DOK6: variants seen among roughly 807,000 people sequenced by gnomAD.
The protein encoded by DOK6 is docking protein 6, also known as downstream of tyrosine kinase 6.
Under a neutral mutation model 44.0 loss-of-function variants are expected in DOK6, and 22 were observed. The observed-to-expected ratio is 0.50, with a 90% CI of 0.36 to 0.71. The LOEUF is 0.71. DOK6 is among the 30% of genes least tolerant of loss of function. The probability of loss-of-function intolerance (pLI) is 0.00; values close to 1 mark genes in which losing one functional copy is unlikely to be tolerated. For synonymous variants in DOK6, 166 were observed against 145.5 expected, an observed-to-expected ratio of 1.14 and a Z score of -1.01; for missense variants, 340 against 416.4, an observed-to-expected ratio of 0.82 and a Z score of 1.60.
At chr18:69,674,461 C>T (rs12953671) in intron 3 of DOK6, among the ~76,000 whole-genome samples, 66,182 of 151,868 alleles carry the variant, frequency 0.44, 15,004 homozygotes, top group East Asian at 0.74. Flanking sequence ...CTCTTGCTAC[C>T]CTGCAAATGT....
intron 1 of DOK6, among the ~76,000 whole-genome samples, chr18:69,472,923 TC>T (rs1167173843): frequency 3.9e-5 from 6 of 152,210 alleles, no homozygotes; most frequent in African/African-American, 9.7e-5. Context: ...TTCGTTCTTA[TC>T]CATGTTGAAA....
intron 3 of DOK6, among the ~76,000 whole-genome samples, chr18:69,611,259 G>T (rs1403208838): frequency 6.6e-6 from 1 of 152,098 alleles, no homozygotes; most frequent in Non-Finnish European, 1.5e-5. Flanking sequence ...GGTGCATAGT[G>T]ACACACCTGT....
At chr18:69,447,195 A>T (rs1033348296) in intron 1 of DOK6, among the ~76,000 whole-genome samples, 1 of 152,138 alleles carries the variant, frequency 6.6e-6, no homozygotes, top group African/African-American at 2.4e-5. Context: ...TAGGTCTAAC[A>T]TTTAAGTCTT....
intron 3 of DOK6, among the ~76,000 whole-genome samples, chr18:69,602,239 A>T (rs184382962): frequency 2.0e-5 from 3 of 152,288 alleles, no homozygotes; most frequent in Admixed American, 2.0e-4. Context: ...CAAGGTGAAG[A>T]TCAACAATGA....
At chr18:69,744,622 A>G (rs1978918461) in intron 6 of DOK6, among the ~76,000 whole-genome samples, 1 of 152,096 alleles carries the variant, frequency 6.6e-6, no homozygotes, top group East Asian at 1.9e-4. Flanking sequence ...TAGTCTAAAC[A>G]ACAACAACAA....
At chr18:69,479,930 A>C (rs1166079753) in intron 1 of DOK6, among the ~76,000 whole-genome samples, 1 of 152,180 alleles carries the variant, frequency 6.6e-6, no homozygotes, top group African/African-American at 2.4e-5. Context: ...CAGAAGCATT[A>C]ATAGATTTAG....
At chr18:69,419,433 T>C (rs982129618) in intron 1 of DOK6, among the ~76,000 whole-genome samples, 2 of 152,168 alleles carry the variant, frequency 1.3e-5, no homozygotes, top group Admixed American at 6.5e-5. Flanking sequence ...TGTCAGTATC[T>C]GACTAGAATG....
chr18:69,553,918 T>C (rs1301123136), intron 1 of DOK6, among the ~76,000 whole-genome samples: 1 of 152,184 alleles, frequency 6.6e-6, no homozygotes, highest in African/African-American at 2.4e-5. Flanking sequence ...TGGTTTGTCG[T>C]AATACCTTTT....
intron 6 of DOK6, among the ~76,000 whole-genome samples, chr18:69,740,881 C>A (rs889841473): frequency 6.6e-6 from 1 of 152,214 alleles, no homozygotes; most frequent in African/African-American, 2.4e-5. Context: ...ATATCCTTCA[C>A]AATCTTTCAA....
intron 4 of DOK6, among the ~76,000 whole-genome samples, chr18:69,694,200 C>T (rs1479431242): frequency 1.3e-5 from 2 of 151,726 alleles, no homozygotes; most frequent in South Asian, 2.1e-4. Flanking sequence ...TGCCCCTTTT[C>T]CCTGAGTACA....
intron 1 of DOK6, among the ~76,000 whole-genome samples, chr18:69,446,391 G>A (rs910707690): frequency 5.3e-5 from 8 of 151,436 alleles, no homozygotes; most frequent in African/African-American, 9.7e-5. Context: ...TGAACTCATC[G>A]TTTTTTATGG....
At chr18:69,615,818 G>T (rs907639435) in intron 3 of DOK6, among the ~76,000 whole-genome samples, 1 of 152,128 alleles carries the variant, frequency 6.6e-6, no homozygotes, top group Non-Finnish European at 1.5e-5. Context: ...AGCCTCTACC[G>T]TGCATGGGGT....
chr18:69,469,583 C>G (rs571360323), intron 1 of DOK6: 1 of 180,500 alleles, frequency 5.5e-6, no homozygotes, highest in Non-Finnish European at 1.2e-5. Flanking sequence ...CCGGAAATCA[C>G]AAACATCATG....
intron 4 of DOK6, among the ~76,000 whole-genome samples, chr18:69,692,730 C>T (rs895845594): frequency 2.0e-5 from 3 of 152,094 alleles, no homozygotes; most frequent in African/African-American, 7.2e-5. Context: ...TAGTTATGTA[C>T]ATTTATGGGA....
chr18:69,409,813 G>A (rs1978298800), intron 1 of DOK6, among the ~76,000 whole-genome samples: 1 of 152,060 alleles, frequency 6.6e-6, no homozygotes, highest in South Asian at 2.1e-4. Flanking sequence ...CACATGCTAT[G>A]CAAAAATAAG....
At chr18:69,519,731 G>T (rs1981634629) in intron 1 of DOK6, among the ~76,000 whole-genome samples, 2 of 151,750 alleles carry the variant, frequency 1.3e-5, no homozygotes, top group Admixed American at 1.3e-4. Flanking sequence ...ATTACTTTCA[G>T]AATTATAAAA....
intron 4 of DOK6, among the ~76,000 whole-genome samples, chr18:69,686,558 A>AG (rs1337421230): frequency 2.0e-5 from 3 of 152,144 alleles, no homozygotes; most frequent in African/African-American, 7.2e-5. Context: ...ATTAAATCTG[A>AG]GGGGGGATCT....
chr18:69,417,725 T>C (rs1978378225), intron 1 of DOK6, among the ~76,000 whole-genome samples: 1 of 152,224 alleles, frequency 6.6e-6, no homozygotes, highest in Non-Finnish European at 1.5e-5. Context: ...GCATTTATTA[T>C]TTTCTGTCTT....
chr18:69,525,166 T>A (rs1287079760), intron 1 of DOK6, among the ~76,000 whole-genome samples: 1 of 151,884 alleles, frequency 6.6e-6, no homozygotes, highest in African/African-American at 2.4e-5. Flanking sequence ...AAGTAATCTT[T>A]GTTTATAGTT....
Sources: gnomAD v4.1 joint callset for allele counts (sites outside exome capture counted in the v4.1 genomes callset) on GRCh38, gnomAD v4.1.1 for gene constraint, MANE v1.5 for transcripts, NCBI Gene and HGNC (gene_info 2026-07-23, HGNC 2026-07-21) for gene names.